The following RIC3 variants were observed in gnomAD, a reference collection of about 807,000 sequenced individuals.
RIC3 encodes protein RIC-3.
RIC3 carries 28 observed loss-of-function variants against 27.3 expected under a neutral mutation model. The observed-to-expected ratio is 1.02, with a 90% CI of 0.76 to 1.41. The LOEUF is 1.41. Ranked by LOEUF, RIC3 falls within the 40% of genes most tolerant of loss-of-function variation. The pLI is 0.00. For missense variants in RIC3, 501 were observed against 444.7 expected (o/e 1.13, Z -1.14); for synonymous variants, 184 against 160.4 (o/e 1.15, Z -1.11).
chr11:8,151,458 TG>T (rs1209235502), intron 1 of RIC3, among the ~76,000 whole-genome samples: 1 of 149,698 alleles, frequency 6.7e-6, no homozygotes, highest in East Asian at 2.0e-4. Flanking sequence ...TGGTGGCGCG[TG>T]CCTGTAGTCC....
At chr11:8,145,427 G>A (rs1270863905) in intron 1 of RIC3, among the ~76,000 whole-genome samples, 4 of 152,046 alleles carry the variant, frequency 2.6e-5, no homozygotes, top group Admixed American at 1.3e-4. Context: ...GAAGATGGTC[G>A]CCCCAGCCCC....
chr11:8,100,692 T>G, the RIC3 span: 2 of 1,482,718 alleles, frequency 1.3e-6, no homozygotes, highest in Non-Finnish European at 1.8e-6. Flanking sequence ...TGTGTGTATG[T>G]GGAGGGGTAC....
At chr11:8,133,490 G>A (rs1947985439) in intron 4 of RIC3, among the ~76,000 whole-genome samples, 1 of 152,182 alleles carries the variant, frequency 6.6e-6, no homozygotes, top group Non-Finnish European at 1.5e-5. Context: ...TTGGTAAAGA[G>A]CCAGGAGCCA....
intron 1 of RIC3, among the ~76,000 whole-genome samples, chr11:8,149,734 T>C (rs1950052351): frequency 6.6e-6 from 1 of 152,224 alleles, no homozygotes; most frequent in African/African-American, 2.4e-5. Flanking sequence ...AACTAAATTC[T>C]TGGCTATGAC....
At chr11:8,121,653 T>G (rs1258971239) in intron 5 of RIC3, among the ~76,000 whole-genome samples, 2 of 151,972 alleles carry the variant, frequency 1.3e-5, no homozygotes, top group Non-Finnish European at 2.9e-5. Context: ...GAGGCAGAGG[T>G]TGCAGGGAGC....
chr11:8,117,525 T>C (rs962559338), intron 5 of RIC3, among the ~76,000 whole-genome samples: 1 of 152,108 alleles, frequency 6.6e-6, no homozygotes, highest in African/African-American at 2.4e-5. Flanking sequence ...GAAAATAAAA[T>C]GGTGGTTATC....
intron 1 of RIC3, among the ~76,000 whole-genome samples, chr11:8,166,712 A>G (rs1418950766): frequency 6.6e-6 from 1 of 152,042 alleles, no homozygotes; most frequent in Non-Finnish European, 1.5e-5. Context: ...CTCAACCAAA[A>G]ACAAAAAAAA....
chr11:8,114,521 G>T (rs531225876), intron 5 of RIC3, among the ~76,000 whole-genome samples: 1 of 151,246 alleles, frequency 6.6e-6, no homozygotes, highest in South Asian at 2.1e-4. Flanking sequence ...CAGAAGAATC[G>T]CTTGAACCCA....
chr11:8,162,203 G>T (rs1951235674), intron 1 of RIC3, among the ~76,000 whole-genome samples: 1 of 152,248 alleles, frequency 6.6e-6, no homozygotes, highest in African/African-American at 2.4e-5. Flanking sequence ...TGACAACTGT[G>T]AGTCTCTGGT....
the RIC3 span, chr11:8,095,589 G>A: frequency 2.5e-6 from 4 of 1,613,052 alleles, no homozygotes; most frequent in Non-Finnish European, 3.4e-6. Context: ...ACCACGCCCA[G>A]GACGCAGGGG....
chr11:8,120,092 G>T (rs1201245623), intron 5 of RIC3, among the ~76,000 whole-genome samples: 1 of 152,202 alleles, frequency 6.6e-6, no homozygotes, highest in Non-Finnish European at 1.5e-5. Context: ...ACTGTTGGTG[G>T]GAGTGCAAAT....
At position 8,147,925 on chromosome 11, in the gene RIC3, A is replaced by T. The variant is rs575114756; in HGVS notation, c.125-7732T>A. 1.6e-4 allele frequency among the ~76,000 whole-genome samples: 25 copies of T among 152,156 alleles called. No individual in the cohort carries two copies. The South Asian group carries it at 5.2e-3, about 32-fold the overall frequency. ...GTGTTTTTAGTAGAAATGGGGTTTC[A>T]CCATGTTGGCCAGGATGGTCTTATC... On this transcript the variant is annotated intron_variant, in intron 1 of 5. Coordinates refer to ENST00000309737, the MANE Select transcript of RIC3 (RefSeq NM_001206671.4).
the RIC3 span, chr11:8,100,838 C>G: frequency 1.2e-6 from 2 of 1,614,098 alleles, no homozygotes; most frequent in Admixed American, 1.7e-5. Context: ...GCATGAGACA[C>G]TGCTAGCACG....
At chr11:8,125,739 T>C (rs999671693) in intron 5 of RIC3, among the ~76,000 whole-genome samples, 5 of 152,136 alleles carry the variant, frequency 3.3e-5, no homozygotes, top group African/African-American at 1.2e-4. Context: ...TCTAATAAAG[T>C]TAAACAGGTG....
At chr11:8,098,818 C>A in the RIC3 span, 1 of 1,614,198 alleles carries the variant, frequency 6.2e-7, no homozygotes, top group South Asian at 1.1e-5. Flanking sequence ...CTCAGAAGGC[C>A]TCATCCTCCA....
chr11:8,125,971 A>T (rs947360272), intron 5 of RIC3, among the ~76,000 whole-genome samples: 2 of 152,180 alleles, frequency 1.3e-5, no homozygotes, highest in Non-Finnish European at 2.9e-5. Flanking sequence ...CCCACGAGGT[A>T]GAGGTTGCAG....
intron 5 of RIC3, among the ~76,000 whole-genome samples, chr11:8,125,357 AG>A (rs1946885048): frequency 6.6e-6 from 1 of 152,166 alleles, no homozygotes; most frequent in Non-Finnish European, 1.5e-5. Context: ...GAAAATATAA[AG>A]GCAAGCTACA....
Position 8,168,889 on chromosome 11 carries a change from T to C in RIC3, c.101A>G (p.Gln34Arg). ...ACCTTCAGGTGTCGGCGGCGGCTCC[T>C]GCCGCTTCCCGCGGGACAGGAAGGC... ...PKAFLSRGKRQEPPPTPEGKL... is the reference protein window; with the variant it reads ...PKAFLSRGKRREPPPTPEGKL... Residue 34 changes from glutamine to arginine, a missense_variant, in exon 1 of 6, where the codon CAG (glutamine) becomes CGG (arginine). Gln to Arg is a conservative substitution (Grantham distance 43). Coordinates refer to ENST00000309737, the MANE Select transcript of RIC3 (RefSeq NM_001206671.4). The C allele has an allele frequency of 6.2e-7, 1 of 1,611,336 alleles. No homozygotes were observed. Among genetic ancestry groups the C allele is most frequent in the Non-Finnish European group, 8.5e-7 (1 of 1,178,948 alleles).
the RIC3 span, among the ~76,000 whole-genome samples, chr11:8,094,407 G>T: frequency 2.5e-4 from 38 of 152,208 alleles, no homozygotes; most frequent in South Asian, 7.3e-3. Flanking sequence ...CTACCACACT[G>T]CCAGGAAGTG....
Sources: allele counts gnomAD v4.1 joint callset (sites outside exome capture counted in the v4.1 genomes callset), GRCh38; gene constraint gnomAD v4.1.1; transcripts MANE v1.5; gene names NCBI Gene and HGNC (gene_info 2026-07-23, HGNC 2026-07-21).